VPS13B: variants seen among roughly 807,000 people sequenced by gnomAD.
VPS13B encodes intermembrane lipid transfer protein VPS13B.
In VPS13B, 285 loss-of-function variants were observed where a neutral mutation model predicts 426.4. The observed-to-expected ratio is 0.67, with a 90% CI of 0.61 to 0.74. The LOEUF (loss-of-function observed/expected upper bound fraction) is 0.74, where lower values mean the gene tolerates loss of function less well. Among genes scored for constraint, VPS13B ranks in the 30% least tolerant of loss-of-function variants. VPS13B has a pLI of 0.00. For synonymous variants in VPS13B, 1,676 were observed against 1,676.4 expected, an observed-to-expected ratio of 1.00 and a Z score of 0.01; for missense variants, 4,537 against 4,782.6, an observed-to-expected ratio of 0.95 and a Z score of 1.51.
chr8:99,114,257 T>C (rs2132492708), intron 6 of VPS13B, among the ~76,000 whole-genome samples: 1 of 152,240 alleles, frequency 6.6e-6, no homozygotes, highest in South Asian at 2.1e-4. Context: ...ATACTCTTAT[T>C]ATCCTTAAAT....
chr8:99,214,807 A>G (rs923814261), intron 17 of VPS13B, among the ~76,000 whole-genome samples: 1 of 152,194 alleles, frequency 6.6e-6, no homozygotes, highest in Non-Finnish European at 1.5e-5. Context: ...CTCAGATGTG[A>G]CAAGTACTAC....
chr8:99,199,438 T>A (rs1046458206), intron 17 of VPS13B, among the ~76,000 whole-genome samples: 1 of 152,192 alleles, frequency 6.6e-6, no homozygotes, highest in Non-Finnish European at 1.5e-5. Flanking sequence ...CCCAAAGTGC[T>A]GGGATTACAG....
chr8:99,834,562 G>T (rs746137000), intron 52 of VPS13B, among the ~76,000 whole-genome samples: 1 of 151,510 alleles, frequency 6.6e-6, no homozygotes, highest in Non-Finnish European at 1.5e-5. Context: ...TTTGATACAG[G>T]GTCTTGCTCT....
At chr8:99,213,820 C>CT (rs11304124) in intron 17 of VPS13B, among the ~76,000 whole-genome samples, 114 of 131,112 alleles carry the variant, frequency 8.7e-4, no homozygotes, top group East Asian at 4.7e-3. Flanking sequence ...TGCTGGATGC[C>CT]TTTTTTTTTT....
chr8:99,398,455 T>G (rs1018137127), intron 21 of VPS13B, among the ~76,000 whole-genome samples: 7 of 152,176 alleles, frequency 4.6e-5, no homozygotes, highest in African/African-American at 1.7e-4. Context: ...TAGTCTGTGG[T>G]CAGTTGGCCA....
chr8:99,087,861 C>A (rs1258617631), intron 3 of VPS13B, among the ~76,000 whole-genome samples: 1 of 152,082 alleles, frequency 6.6e-6, no homozygotes, highest in East Asian at 1.9e-4. Flanking sequence ...GTATGTCATG[C>A]CTTTACTAGA....
chr8:99,794,605 G>T (rs1812714826), intron 43 of VPS13B, among the ~76,000 whole-genome samples: 1 of 152,118 alleles, frequency 6.6e-6, no homozygotes, highest in Admixed American at 6.5e-5. Context: ...GCTTTTGTTT[G>T]CACCTTGTAG....
chr8:99,376,764 T>G (rs1813510337), intron 19 of VPS13B, among the ~76,000 whole-genome samples: 1 of 152,110 alleles, frequency 6.6e-6, no homozygotes, highest in Non-Finnish European at 1.5e-5. Flanking sequence ...TTGTCCAGTT[T>G]GCATACATTT....
At chr8:99,580,984 AACACACAC>A (rs34074519) in intron 33 of VPS13B, among the ~76,000 whole-genome samples, 5,838 of 126,660 alleles carry the variant, frequency 0.046, 157 homozygotes, top group Non-Finnish European at 0.061. Context: ...ATCTCTACAA[AACACACAC>A]ACACACACAC....
At chr8:99,762,733 T>G (rs910033941) in intron 39 of VPS13B, among the ~76,000 whole-genome samples, 1 of 152,234 alleles carries the variant, frequency 6.6e-6, no homozygotes, top group Non-Finnish European at 1.5e-5. Context: ...AAGCTCTTAC[T>G]ATGTGATATT....
chr8:99,475,072 G>C (rs905144138), intron 24 of VPS13B, among the ~76,000 whole-genome samples: 1 of 152,082 alleles, frequency 6.6e-6, no homozygotes, highest in African/African-American at 2.4e-5. Flanking sequence ...TCATTATGCT[G>C]ACTGAAAGAA....
chr8:99,272,152 C>T (rs1818639909), intron 17 of VPS13B, among the ~76,000 whole-genome samples: 1 of 151,986 alleles, frequency 6.6e-6, no homozygotes, highest in Non-Finnish European at 1.5e-5. Flanking sequence ...GTATGATCTT[C>T]TTAATTATTC....
chr8:99,168,548 C>G (rs767416522), intron 15 of VPS13B, among the ~76,000 whole-genome samples: 4 of 152,002 alleles, frequency 2.6e-5, no homozygotes, highest in Non-Finnish European at 5.9e-5. Context: ...ATAATAATAA[C>G]TGTAAATTCC....
At chr8:99,467,145 T>A (rs1467544388) in intron 23 of VPS13B, among the ~76,000 whole-genome samples, 1 of 152,154 alleles carries the variant, frequency 6.6e-6, no homozygotes, top group East Asian at 1.9e-4. Flanking sequence ...CCAACTAGGG[T>A]AAGGGAAGAA....
intron 55 of VPS13B, among the ~76,000 whole-genome samples, chr8:99,851,520 A>T (rs1409613952): frequency 6.6e-6 from 1 of 152,206 alleles, no homozygotes; most frequent in Non-Finnish European, 1.5e-5. Flanking sequence ...GTGTAGTTTT[A>T]AACAAATTGG....
intron 30 of VPS13B, among the ~76,000 whole-genome samples, chr8:99,552,145 C>T (rs1445418425): frequency 1.3e-5 from 2 of 151,896 alleles, no homozygotes; most frequent in Non-Finnish European, 2.9e-5. Context: ...TGGGCTTAAT[C>T]TGCTTGAGTT....
chr8:99,764,415 T>TTG (rs1473294466), intron 39 of VPS13B, among the ~76,000 whole-genome samples: 1 of 145,432 alleles, frequency 6.9e-6, no homozygotes, highest in African/African-American at 2.6e-5. Flanking sequence ...GATTCTTTTT[T>TTG]TTTTTTTTTT....
chr8:99,830,157 T>G (rs917093270), intron 51 of VPS13B, among the ~76,000 whole-genome samples: 1 of 152,158 alleles, frequency 6.6e-6, no homozygotes, highest in East Asian at 1.9e-4. Flanking sequence ...CTCTTCAGAG[T>G]TGGCAGTCAG....
intron 3 of VPS13B, among the ~76,000 whole-genome samples, chr8:99,046,254 A>T (rs1843237014): frequency 6.6e-6 from 1 of 151,508 alleles, no homozygotes; most frequent in East Asian, 1.9e-4. Flanking sequence ...GAGGTCTTTC[A>T]CCTCCTTGGT....
Sources: gnomAD v4.1 joint callset for allele counts (sites outside exome capture counted in the v4.1 genomes callset) on GRCh38, gnomAD v4.1.1 for gene constraint, MANE v1.5 for transcripts, NCBI Gene and HGNC (gene_info 2026-07-23, HGNC 2026-07-21) for gene names.